The following RIMS2 variants were observed in gnomAD, a reference collection of about 807,000 sequenced individuals.
The protein encoded by RIMS2 is regulating synaptic membrane exocytosis 2.
Under a neutral mutation model 174.4 loss-of-function variants are expected in RIMS2, and 59 were observed. The ratio of observed to expected loss-of-function variants is 0.34; its 90% CI spans 0.27 to 0.42. The LOEUF (loss-of-function observed/expected upper bound fraction) is 0.42. Among genes scored for constraint, RIMS2 ranks in the 10% least tolerant of loss-of-function variants. The pLI is 1.00. For missense variants in RIMS2, 1,620 were observed against 1,666.3 expected (o/e 0.97, Z 0.48); for synonymous variants, 606 against 572.5 (o/e 1.06, Z -0.84).
chr8:104,059,817 A>G (rs920277950), intron 19 of RIMS2, among the ~76,000 whole-genome samples: 1 of 152,140 alleles, frequency 6.6e-6, no homozygotes, highest in African/African-American at 2.4e-5. Context: ...TTCTGCATCT[A>G]TTGAAATAAT....
chr8:104,079,473 C>T (rs886590470), intron 19 of RIMS2, among the ~76,000 whole-genome samples: 5 of 151,042 alleles, frequency 3.3e-5, no homozygotes, highest in African/African-American at 1.2e-4. Context: ...TAGTAGACTA[C>T]AGAAGGGAAA....
At chr8:103,929,020 A>G (rs987193617) in intron 11 of RIMS2, among the ~76,000 whole-genome samples, 1 of 151,728 alleles carries the variant, frequency 6.6e-6, no homozygotes, top group Non-Finnish European at 1.5e-5. Flanking sequence ...GTCCTATAAT[A>G]TAAATAAAAA....
intron 19 of RIMS2, among the ~76,000 whole-genome samples, chr8:104,132,566 A>G (rs1163943429): frequency 6.6e-6 from 1 of 152,198 alleles, no homozygotes; most frequent in African/African-American, 2.4e-5. Context: ...GAAAGCAAAA[A>G]TGTTGACCGG....
intron 19 of RIMS2, among the ~76,000 whole-genome samples, chr8:104,173,520 G>A (rs2098844265): frequency 6.8e-6 from 1 of 146,650 alleles, no homozygotes; most frequent in African/African-American, 2.5e-5. Flanking sequence ...GATCATGAGA[G>A]TTTCCATAAT....
chr8:103,738,924 G>C (rs1466279137), intron 2 of RIMS2, among the ~76,000 whole-genome samples: 1 of 152,100 alleles, frequency 6.6e-6, no homozygotes, highest in Non-Finnish European at 1.5e-5. Flanking sequence ...CTTTTACACT[G>C]TTGGTGGGAC....
At chr8:103,896,524 A>G (rs1340520312) in intron 4 of RIMS2, among the ~76,000 whole-genome samples, 1 of 151,600 alleles carries the variant, frequency 6.6e-6, no homozygotes, top group Non-Finnish European at 1.5e-5. Context: ...ATTTTTCAAG[A>G]CTTATACTTG....
intron 19 of RIMS2, among the ~76,000 whole-genome samples, chr8:104,097,672 A>G (rs1290738029): frequency 4.6e-5 from 7 of 151,766 alleles, no homozygotes; most frequent in African/African-American, 1.5e-4. Context: ...GTTTTGATTT[A>G]AAGGTTACTG....
chr8:104,082,587 T>C (rs976088376), intron 19 of RIMS2, among the ~76,000 whole-genome samples: 1 of 152,156 alleles, frequency 6.6e-6, no homozygotes, highest in African/African-American at 2.4e-5. Flanking sequence ...AATGGGGATA[T>C]GTATTCGGAG....
intron 19 of RIMS2, among the ~76,000 whole-genome samples, chr8:104,177,070 C>A (rs1037328352): frequency 6.6e-6 from 1 of 152,008 alleles, no homozygotes. Context: ...ATGTTTATAA[C>A]TAACTATAAT....
At chr8:103,657,417 A>G (rs546836963) in intron 1 of RIMS2, among the ~76,000 whole-genome samples, 1 of 152,226 alleles carries the variant, frequency 6.6e-6, no homozygotes, top group Non-Finnish European at 1.5e-5. Context: ...AAAACTTCTC[A>G]CAAGGCACTA....
chr8:104,151,461 C>G (rs1031869918), intron 19 of RIMS2, among the ~76,000 whole-genome samples: 3 of 152,050 alleles, frequency 2.0e-5, no homozygotes, highest in Non-Finnish European at 4.4e-5. Flanking sequence ...CCCAGCTACA[C>G]TGGAGGCTGA....
chr8:104,105,202 G>A (rs76925830), intron 19 of RIMS2, among the ~76,000 whole-genome samples: 1,944 of 152,216 alleles, frequency 0.013, 49 homozygotes, highest in African/African-American at 0.045. Context: ...GTTGGGTGTC[G>A]GGAGGGGCAG....
intron 2 of RIMS2, among the ~76,000 whole-genome samples, chr8:103,709,535 G>A (rs950711295): frequency 3.3e-5 from 5 of 152,062 alleles, no homozygotes. Flanking sequence ...TATATTTGGA[G>A]CAATGCTCAG....
intron 1 of RIMS2, among the ~76,000 whole-genome samples, chr8:103,644,540 CAT>C (rs1310583541): frequency 6.6e-6 from 1 of 151,920 alleles, no homozygotes; most frequent in Non-Finnish European, 1.5e-5. Context: ...ATTAGTTTCT[CAT>C]ATTACCAATT....
intron 19 of RIMS2, among the ~76,000 whole-genome samples, chr8:104,173,455 A>G (rs2098843671): frequency 6.6e-6 from 1 of 151,986 alleles, no homozygotes; most frequent in Admixed American, 6.6e-5. Context: ...TATTTATTTT[A>G]ATGAACACCA....
At chr8:103,559,829 T>C (rs2091291604) in intron 1 of RIMS2, among the ~76,000 whole-genome samples, 1 of 152,218 alleles carries the variant, frequency 6.6e-6, no homozygotes, top group Non-Finnish European at 1.5e-5. Flanking sequence ...GATGAAGGGC[T>C]GTTGGTTACT....
At chr8:103,694,878 A>G (rs960308948) in intron 1 of RIMS2, among the ~76,000 whole-genome samples, 2 of 152,106 alleles carry the variant, frequency 1.3e-5, no homozygotes, top group African/African-American at 4.8e-5. Flanking sequence ...AGGCCCAAAG[A>G]CCAAGTCTGA....
chr8:104,223,648 C>T (rs1353003118), intron 19 of RIMS2: 3 of 1,588,168 alleles, frequency 1.9e-6, no homozygotes, highest in Non-Finnish European at 1.7e-6. Context: ...GGTCCTCGTC[C>T]AAGATGGGCC....
At chr8:103,934,977 G>T (rs1353531733) in intron 12 of RIMS2, among the ~76,000 whole-genome samples, 2 of 152,116 alleles carry the variant, frequency 1.3e-5, no homozygotes, top group African/African-American at 4.8e-5. Flanking sequence ...GATTACAGGT[G>T]TGAGCCACCA....
Sources: gnomAD v4.1 joint callset for allele counts (sites outside exome capture counted in the v4.1 genomes callset) on GRCh38, gnomAD v4.1.1 for gene constraint, MANE v1.5 for transcripts, NCBI Gene and HGNC (gene_info 2026-07-23, HGNC 2026-07-21) for gene names.